The following SSPN variants were observed in gnomAD, a reference collection of about 807,000 sequenced individuals.
The protein encoded by SSPN is K-ras oncogene-associated protein.
Under a neutral mutation model 19.1 loss-of-function variants are expected in SSPN, and 15 were observed. The observed-to-expected ratio is 0.78, with a 90% CI of 0.52 to 1.21. SSPN has a LOEUF of 1.21. Among genes scored for constraint, SSPN ranks in the 50% most tolerant of loss-of-function variants. The pLI is 0.00. For missense variants in SSPN, 291 were observed against 314.0 expected, an observed-to-expected ratio of 0.93 and a Z score of 0.55; for synonymous variants, 147 against 140.3, an observed-to-expected ratio of 1.05 and a Z score of -0.34.
At chr12:26,188,851 G>A (rs1328622905) in intron 1 of SSPN, among the ~76,000 whole-genome samples, 1 of 152,090 alleles carries the variant, frequency 6.6e-6, no homozygotes, top group Admixed American at 6.5e-5. Flanking sequence ...TATGTGGCGG[G>A]GATGTCTGTC....
At chr12:26,220,470 A>G (rs1387211373) in intron 1 of SSPN, among the ~76,000 whole-genome samples, 2 of 152,200 alleles carry the variant, frequency 1.3e-5, no homozygotes, top group Non-Finnish European at 2.9e-5. Flanking sequence ...CTATAATTAT[A>G]AGAAATATAC....
At chr12:26,168,848 A>G (rs1455322024) in intron 1 of SSPN, among the ~76,000 whole-genome samples, 2 of 152,202 alleles carry the variant, frequency 1.3e-5, no homozygotes, top group Non-Finnish European at 2.9e-5. Context: ...TGTGCCCTTG[A>G]CATGCCACAA....
intron 1 of SSPN, among the ~76,000 whole-genome samples, chr12:26,213,782 G>A (rs1305364416): frequency 1.3e-5 from 2 of 151,928 alleles, no homozygotes; most frequent in African/African-American, 4.8e-5. Context: ...TGTTTGTTGG[G>A]AAAAGAAGCT....
chr12:26,122,279 G>T, intron 1 of SSPN: 1 of 1,208,832 alleles, frequency 8.3e-7, no homozygotes, highest in Non-Finnish European at 1.0e-6. Flanking sequence ...ACAGGCAGGG[G>T]AACGCGGCGG....
At chr12:26,148,921 C>T (rs957362932) in intron 1 of SSPN, among the ~76,000 whole-genome samples, 13 of 152,200 alleles carry the variant, frequency 8.5e-5, no homozygotes, top group African/African-American at 3.1e-4. Flanking sequence ...CCAACCTCCC[C>T]ACGGCACACA....
chr12:26,175,198 C>T (rs1005789635), intron 1 of SSPN, among the ~76,000 whole-genome samples: 1 of 152,232 alleles, frequency 6.6e-6, no homozygotes, highest in East Asian at 1.9e-4. Flanking sequence ...TCTACATCCT[C>T]ACCAACACTT....
intron 1 of SSPN, among the ~76,000 whole-genome samples, chr12:26,178,469 G>A (rs959873060): frequency 2.6e-5 from 4 of 152,126 alleles, no homozygotes; most frequent in Admixed American, 2.6e-4. Flanking sequence ...AAGAAGGGTT[G>A]TAGATGACTG....
Position 26,233,327 on chromosome 12 carries a change from A to AGG in SSPN, c.*2252_*2253dup, listed in dbSNP as rs1945254083. ...TAAGCTTTATAATAGTATAACCGTC[A>AGG]GGAGATATATATATATATATATACA... On this transcript the variant is annotated 3_prime_UTR_variant, in exon 3 of 3. Coordinates refer to ENST00000242729, the MANE Select transcript of SSPN (RefSeq NM_005086.5). This position sits in a 1 kb window ranked among gnomAD's most constrained non-coding sequence, Gnocchi z 4.3. 1 of 90,826 alleles carries AGG rather than the reference A, an allele frequency of 1.1e-5. No individual in the cohort carries two copies. Among genetic ancestry groups the AGG allele is most frequent in the African/African-American group, 7.1e-5 (1 of 14,160 alleles). The allele number at this position is 90,826 out of a possible 1,614,324, so 5.6% of individuals were successfully genotyped here.
chr12:26,201,047 T>TTTATATATATATATA (rs1944879510), intron 1 of SSPN, among the ~76,000 whole-genome samples: 1 of 51,040 alleles, frequency 2.0e-5, no homozygotes, highest in African/African-American at 1.0e-4. Flanking sequence ...ATATATATAT[T>TTTATATATATATATA]ATATATATAT....
chr12:26,147,471 A>G (rs1204857412), intron 1 of SSPN, among the ~76,000 whole-genome samples: 1 of 152,122 alleles, frequency 6.6e-6, no homozygotes, highest in Non-Finnish European at 1.5e-5. Flanking sequence ...GGGTTTTACC[A>G]TGTTGGCCAG....
rs1415033864 is a variant in SSPN, at chr12:26,230,761, C to T, written c.417C>T (p.Ala139=). 8.1e-6 allele frequency: 13 copies of T among 1,614,040 alleles called. No homozygotes were observed. The highest frequency in any genetic ancestry group is 5.3e-5 in the African/African-American group (4 of 74,928). The change falls in exon 3 of 3, where the codon GCC becomes GCT. Residue 139 remains alanine (A), a synonymous_variant. Transcript: ENST00000242729. ...TGGGCCTGACGGTCTGTGTGCTGGCCGTGGCCTTTGCCGCCCACCACTATT... is the reference window on the plus strand; with the variant it reads ...TGGGCCTGACGGTCTGTGTGCTGGCTGTGGCCTTTGCCGCCCACCACTATT... The part of the protein sequence containing the change: ...SALGLTVCVL[A]VAFAAHHYSQ...
At chr12:26,167,807 A>T (rs368195042) in intron 1 of SSPN, among the ~76,000 whole-genome samples, 9 of 152,244 alleles carry the variant, frequency 5.9e-5, no homozygotes, top group South Asian at 2.1e-4. Flanking sequence ...CTCCCCAGTC[A>T]GGAAAATGCC....
Position 26,230,979 on chromosome 12 carries a change from C to T in SSPN, c.635C>T (p.Ala212Val). The change falls in exon 3 of 3, where the codon GCC becomes GTC. Residue 212 changes from alanine to valine, a missense_variant. Physicochemically the swap from Ala to Val is moderately conservative, Grantham distance 64. Around this residue, in one of 3 missense-constraint regions of SSPN, gnomAD observed 141 missense variants for 166.7 expected, o/e 0.85. Transcript: ENST00000242729. ...GTCTGCGGCCTTGTGTGCTTGTTGG[C>T]CTGCTTTGTGATGTGGAAACATAGG... ...NLVCGLVCLL[A>V]CFVMWKHRYQ... is the part of the protein sequence containing the mutation. 3 of 1,614,124 alleles carry T rather than the reference C, an allele frequency of 1.9e-6. No homozygotes were observed. The highest frequency in any genetic ancestry group is 8.5e-7 in the Non-Finnish European group (1 of 1,180,034).
In SSPN at chr12:26,186,212, AAAC is replaced by A. The variant is rs565911407; in HGVS notation, c.-30-38074_-30-38072del. Among the ~76,000 whole-genome samples, 555 of 151,812 alleles carry A rather than the reference AAAC, an allele frequency of 3.7e-3. 5 individuals carry two copies. The highest frequency in any genetic ancestry group is 3.5e-3 in the Non-Finnish European group (240 of 67,928). ...AACTGCATCAGGAATGTTAAAAAAAAAACAACAACCATTTTAAGTGCTTTGCAG... is the reference window on the plus strand; with the variant it reads ...AACTGCATCAGGAATGTTAAAAAAAAAACAACCATTTTAAGTGCTTTGCAG... On this transcript the variant is annotated intron_variant, in intron 1 of 2. Transcript: ENST00000538142.
At chr12:26,223,176 A>G (rs1412753478) in intron 1 of SSPN, among the ~76,000 whole-genome samples, 1 of 152,160 alleles carries the variant, frequency 6.6e-6, no homozygotes, top group Non-Finnish European at 1.5e-5. Context: ...TCCATCCCGT[A>G]TCCCCAGATA....
In SSPN at chr12:26,231,284, C is replaced by A. The variant is rs1366583402; in HGVS notation, c.*208C>A. 5 of 740,896 alleles carry A rather than the reference C, an allele frequency of 6.7e-6. No homozygotes were observed. Among genetic ancestry groups the A allele is most frequent in the Non-Finnish European group, 7.9e-6 (4 of 505,308 alleles). The allele number at this position is 740,896 out of a possible 1,614,324, so 45.9% of individuals were successfully genotyped here. ...AACATTCTTGCAGAGAAAGCAAGAT[C>A]CAAATTGATTTTGGGATATTAAAAG... On this transcript the variant is annotated 3_prime_UTR_variant, in exon 3 of 3. Transcript: ENST00000242729.
At chr12:26,126,616 C>G (rs1256369600) in intron 1 of SSPN, 1 of 151,924 alleles carries the variant, frequency 6.6e-6, no homozygotes, top group Non-Finnish European at 1.5e-5. Flanking sequence ...GGAGTCGCGT[C>G]TCCTCCCCGA....
At chr12:26,167,790 C>G (rs1477238326) in intron 1 of SSPN, among the ~76,000 whole-genome samples, 5 of 152,082 alleles carry the variant, frequency 3.3e-5, no homozygotes, top group Non-Finnish European at 7.4e-5. Flanking sequence ...TACTGAACAC[C>G]CTGTTCCTCC....
At chr12:26,192,298 T>C (rs1944794313), upstream of SSPN, among the ~76,000 whole-genome samples, 1 of 152,182 alleles carries the variant, frequency 6.6e-6, no homozygotes, top group Admixed American at 6.5e-5. Context: ...CTACTGCGCC[T>C]TTTTTCCCGG....
Sources: allele counts gnomAD v4.1 joint callset (sites outside exome capture counted in the v4.1 genomes callset), GRCh38; gene constraint gnomAD v4.1.1; regional missense constraint gnomAD v4.1.1; non-coding constraint Gnocchi (gnomAD v3.1); transcripts MANE v1.5; gene names NCBI Gene and HGNC (gene_info 2026-07-23, HGNC 2026-07-21).